Variants in CAMTA1 observed in about 807,000 individuals in gnomAD.
CAMTA1 encodes calmodulin binding transcription activator 1.
Under a neutral mutation model 170.9 loss-of-function variants are expected in CAMTA1, and 27 were observed. The observed-to-expected ratio is 0.16, with a 90% CI of 0.12 to 0.22. The LOEUF is 0.22. Ranked by LOEUF, CAMTA1 falls within the 10% of genes least tolerant of loss-of-function variation. The pLI, the probability that CAMTA1 is intolerant of heterozygous loss-of-function variation, is 1.00. For missense variants in CAMTA1, 1,619 were observed against 2,217.2 expected, an observed-to-expected ratio of 0.73 and a Z score of 5.42; for synonymous variants, 833 against 891.5, an observed-to-expected ratio of 0.93 and a Z score of 1.17.
In CAMTA1 at chr1:6,881,871, G is replaced by A. The variant is rs531530800; in HGVS notation, c.234+56661G>A. ...AATCTCAGCTATACGGGAGGCTGAG[G>A]CAGGAGAATTGCTTGAATCTGGGAG... On this transcript the variant is annotated intron_variant, in intron 3 of 22. Coordinates refer to ENST00000303635, the MANE Select transcript of CAMTA1 (RefSeq NM_015215.4). Among the ~76,000 whole-genome samples the A allele has an allele frequency of 3.2e-3, 495 of 152,312 alleles. 1 individual carries two copies. Among genetic ancestry groups the A allele is most frequent in the Non-Finnish European group, 5.9e-3 (404 of 68,012 alleles).
At chr1:7,504,991 TAGCGCACAGCC>T (rs1273742646) in intron 6 of CAMTA1, among the ~76,000 whole-genome samples, 71 of 149,522 alleles carry the variant, frequency 4.7e-4, no homozygotes, top group African/African-American at 1.4e-3. Context: ...GAGTTCAGTG[TAGCGCACAGCC>T]TCCTTCACGG....
At chr1:7,541,410 AAG>A (rs1391529836) in intron 6 of CAMTA1, among the ~76,000 whole-genome samples, 1 of 152,180 alleles carries the variant, frequency 6.6e-6, no homozygotes, top group Non-Finnish European at 1.5e-5. Flanking sequence ...AGGTTGGGAG[AAG>A]GGTTGATATT....
chr1:7,259,753 G>A (rs1253435209), intron 5 of CAMTA1, among the ~76,000 whole-genome samples: 1 of 152,170 alleles, frequency 6.6e-6, no homozygotes, highest in Non-Finnish European at 1.5e-5. Context: ...TTCTGCCCTT[G>A]GCAATGAGCG....
chr1:7,380,797 C>A (rs891296383), intron 5 of CAMTA1, among the ~76,000 whole-genome samples: 3 of 152,192 alleles, frequency 2.0e-5, no homozygotes, highest in African/African-American at 7.2e-5. Flanking sequence ...ATGAAAACTA[C>A]CTTGCCTGGT....
At chr1:6,984,681 TG>T (rs754325328) in intron 3 of CAMTA1, among the ~76,000 whole-genome samples, 1 of 152,218 alleles carries the variant, frequency 6.6e-6, no homozygotes, top group Non-Finnish European at 1.5e-5. Context: ...AGGCAGGACC[TG>T]GGCCAGTGGC....
At chr1:7,447,636 G>A (rs75382100) in intron 5 of CAMTA1, among the ~76,000 whole-genome samples, 13,694 of 152,138 alleles carry the variant, frequency 0.09, 1,375 homozygotes, top group African/African-American at 0.25. Context: ...TCAGTGGAAC[G>A]GCAGGGACTC....
intron 6 of CAMTA1, among the ~76,000 whole-genome samples, chr1:7,494,717 T>G (rs1370887868): frequency 6.6e-6 from 1 of 152,098 alleles, no homozygotes. Flanking sequence ...GGCATGAGAA[T>G]CACTTGAACT....
intron 4 of CAMTA1, among the ~76,000 whole-genome samples, chr1:7,241,242 A>G (rs1664809229): frequency 6.6e-6 from 1 of 152,256 alleles, no homozygotes. Flanking sequence ...TACAAAGTGT[A>G]AAACCCATAT....
chr1:7,721,768 C>T (rs61772112), intron 11 of CAMTA1, among the ~76,000 whole-genome samples: 9,365 of 152,064 alleles, frequency 0.062, 429 homozygotes, highest in Middle Eastern at 0.21. Context: ...CACTCCATCG[C>T]CCAGGCTGGA....
At chr1:7,085,670 G>T (rs979744586) in intron 3 of CAMTA1, among the ~76,000 whole-genome samples, 3 of 152,256 alleles carry the variant, frequency 2.0e-5, no homozygotes, top group Admixed American at 6.5e-5. Context: ...GCACATGGGC[G>T]CTGAGGCGTG....
intron 6 of CAMTA1, among the ~76,000 whole-genome samples, chr1:7,602,753 G>A (rs1303839819): frequency 6.6e-6 from 1 of 152,152 alleles, no homozygotes; most frequent in Non-Finnish European, 1.5e-5. Flanking sequence ...ATGTTAGGGT[G>A]TCAATTTTAG....
chr1:7,726,011 G>A (rs1055770980), intron 11 of CAMTA1, among the ~76,000 whole-genome samples: 2 of 152,304 alleles, frequency 1.3e-5, no homozygotes, highest in African/African-American at 4.8e-5. Flanking sequence ...GGTGGGTCAC[G>A]CACGGAGAGT....
At chr1:6,867,651 A>G (rs775065120) in intron 3 of CAMTA1, among the ~76,000 whole-genome samples, 20 of 152,234 alleles carry the variant, frequency 1.3e-4, no homozygotes, top group Non-Finnish European at 2.6e-4. Context: ...CTAACATGAA[A>G]TGGTAATAAA....
At chr1:7,390,808 G>A (rs181176269) in intron 5 of CAMTA1, among the ~76,000 whole-genome samples, 4 of 152,360 alleles carry the variant, frequency 2.6e-5, no homozygotes, top group African/African-American at 4.8e-5. Context: ...GCTCTGCACC[G>A]CCCGCCAGGT....
intron 5 of CAMTA1, among the ~76,000 whole-genome samples, chr1:7,332,270 GA>G (rs111375365): frequency 3.3e-5 from 5 of 151,906 alleles, no homozygotes; most frequent in East Asian, 1.9e-4. Context: ...GGAAAGAGGA[GA>G]AAAAAAATCC....
chr1:6,819,829 G>A (rs1646280488), intron 1 of CAMTA1, among the ~76,000 whole-genome samples: 1 of 152,148 alleles, frequency 6.6e-6, no homozygotes, highest in South Asian at 2.1e-4. Flanking sequence ...TCACAACCAG[G>A]AAGTTAACAC....
At chr1:7,257,806 A>G (rs1047717456) in intron 5 of CAMTA1, among the ~76,000 whole-genome samples, 1 of 152,154 alleles carries the variant, frequency 6.6e-6, no homozygotes, top group Non-Finnish European at 1.5e-5. Context: ...TTTATCTGAC[A>G]ACCCTCCAAG....
At chr1:6,947,406 A>G (rs1200551624) in intron 3 of CAMTA1, among the ~76,000 whole-genome samples, 1 of 147,146 alleles carries the variant, frequency 6.8e-6, no homozygotes, top group Non-Finnish European at 1.5e-5. Flanking sequence ...AGACAGTCTC[A>G]CTCTGTTTGC....
At chr1:7,098,158 T>C (rs1642307560) in intron 4 of CAMTA1, among the ~76,000 whole-genome samples, 1 of 152,210 alleles carries the variant, frequency 6.6e-6, no homozygotes, top group Non-Finnish European at 1.5e-5. Context: ...TGTGTGCATG[T>C]GCAGGGGGTG....
Sources: allele counts gnomAD v4.1 joint callset (sites outside exome capture counted in the v4.1 genomes callset), GRCh38; gene constraint gnomAD v4.1.1; transcripts MANE v1.5; gene names NCBI Gene and HGNC (gene_info 2026-07-23, HGNC 2026-07-21).